Variants in CROCC observed in about 807,000 individuals in gnomAD.
CROCC encodes the protein ciliary rootlet coiled-coil, rootletin.
In CROCC, 180 loss-of-function variants were observed where a neutral mutation model predicts 245.2. The observed-to-expected ratio is 0.73, with a 90% confidence interval of 0.65 to 0.83. The LOEUF (loss-of-function observed/expected upper bound fraction) is 0.83. Among genes scored for constraint, CROCC ranks in the 40% least tolerant of loss-of-function variants. The pLI, the probability that CROCC is intolerant of heterozygous loss-of-function variation, is 0.00. For synonymous variants in CROCC, 1,205 were observed against 1,241.6 expected (o/e 0.97, Z 0.62); for missense variants, 2,688 against 2,779.4 (o/e 0.97, Z 0.74).
intron 26 of CROCC, 59 bp from the exon 27 acceptor site, chr1:16,960,699 G>A: frequency 1.4e-6 from 2 of 1,424,854 alleles, no homozygotes; most frequent in South Asian, 2.9e-5. Context: ...TGGGCCTTAG[G>A]GGTGGGGCGT....
rs1214890319 is a variant in CROCC at position 16,966,109 on chromosome 1, G to C, written c.4686G>C (p.Glu1562Asp). The change falls in exon 29 of 37, where the codon GAG becomes GAC. Residue 1562 changes from glutamate (E) to aspartate (D), a missense_variant. Coordinates refer to ENST00000375541, the MANE Select transcript of CROCC (RefSeq NM_014675.5). The surrounding 1 kb of genome is among the most constrained non-coding windows in gnomAD (Gnocchi z 4.8). Reference sequence around the variant, plus strand: ...GGCAGCTGCAGAAGGCGGTGGCTGAGAGTGAGGAAGGTGAGTCTGATCCTC... The same window carrying C: ...GGCAGCTGCAGAAGGCGGTGGCTGACAGTGAGGAAGGTGAGTCTGATCCTC... ...RARQLQKAVA[E>D]SEEARRSVDG... 1.2e-6 allele frequency: 2 copies of C among 1,611,520 alleles called. No homozygotes were observed.
upstream of CROCC, among the ~76,000 whole-genome samples, chr1:16,921,671 G>A (rs1254325120): frequency 6.6e-6 from 1 of 152,266 alleles, no homozygotes; most frequent in Non-Finnish European, 1.5e-5. Flanking sequence ...CCTGCGCAGG[G>A]TGAAGAGTGT....
In CROCC at chr1:16,938,469, AG is replaced by A. The variant is rs2075841935; in HGVS notation, c.1363del (p.Asp455ThrfsTer16). 4 of 1,577,460 alleles carry A rather than the reference AG, an allele frequency of 2.5e-6. No individual in the cohort carries two copies. Among genetic ancestry groups the A allele is most frequent in the Non-Finnish European group, 3.4e-6 (4 of 1,162,410 alleles). On this transcript the variant is annotated frameshift_variant, in exon 11 of 37. Coordinates refer to ENST00000375541, the MANE Select transcript of CROCC (RefSeq NM_014675.5). LOFTEE classifies it high-confidence loss of function. ...TGGAGAGGGGCTACAGCAGACCCTA[AG>A]GGACCTGGCACAGGTGTGAGCCCAG... The part of the protein sequence containing the change: ...EDGEGLQQTL[R>X]DLAQAVLSDS...
At chr1:16,922,907 G>A (rs2075442043) in intron 2 of CROCC, 109 bp downstream of exon 2, 2 of 1,436,270 alleles carry the variant, frequency 1.4e-6, no homozygotes, top group Non-Finnish European at 1.9e-6. Flanking sequence ...CTCACTGTGG[G>A]GCAGGCACAG....
Position 16,951,064 on chromosome 1 carries a change from C to T in CROCC, c.2948C>T (p.Ser983Phe), listed in dbSNP as rs1231600904. Residue 983 changes from serine to phenylalanine, a missense_variant, in exon 20 of 37, where the codon TCT (serine) becomes TTT (phenylalanine). Physicochemically the swap from Ser to Phe is radical, Grantham distance 155 (BLOSUM62 -2). This residue lies in a region of CROCC where 106 missense variants were observed against 126.1 expected (regional missense o/e 0.84). Transcript: ENST00000375541. ...LVQAEREAQA[S>F]LREQRAAHEE... ...CAGGCTGAGCGGGAGGCCCAGGCCTCTCTGCGGGAGCAGCGGGCAGCTCAC... is the reference window on the plus strand; with the variant it reads ...CAGGCTGAGCGGGAGGCCCAGGCCTTTCTGCGGGAGCAGCGGGCAGCTCAC... 1 of 1,604,324 alleles carries T rather than the reference C, an allele frequency of 6.2e-7. No individual in the cohort carries two copies. Among genetic ancestry groups the T allele is most frequent in the Non-Finnish European group, 8.5e-7 (1 of 1,176,290 alleles).
intron 20 of CROCC, 131 bp from the exon 21 acceptor site, chr1:16,953,171 C>T (rs2076191334): frequency 1.2e-6 from 1 of 824,772 alleles, no homozygotes; most frequent in Non-Finnish European, 1.9e-6. Context: ...TTATCACTCC[C>T]TTGTATTTAC....
rs1458406775 is a variant in CROCC at position 16,951,040 on chromosome 1, A to G, written c.2924A>G (p.Gln975Arg). Residue 975 changes from glutamine (Q) to arginine (R), a missense_variant, in exon 20 of 37, where the codon CAG (glutamine) becomes CGG (arginine). Gln to Arg is a conservative substitution (Grantham distance 43). Around this residue, in one of 9 missense-constraint regions of CROCC, gnomAD observed 106 missense variants for 126.1 expected, o/e 0.84. Coordinates refer to ENST00000375541, the MANE Select transcript of CROCC (RefSeq NM_014675.5). ...GAGCTGATGGCCCAGAAGCTGGTGCAGGCTGAGCGGGAGGCCCAGGCCTCT... is the reference window on the plus strand; with the variant it reads ...GAGCTGATGGCCCAGAAGCTGGTGCGGGCTGAGCGGGAGGCCCAGGCCTCT... The part of the protein sequence containing the change: ...DKELMAQKLV[Q>R]AEREAQASLR... The G allele has an allele frequency of 3.1e-6, 5 of 1,606,876 alleles. No individual in the cohort carries two copies. The East Asian group carries it at 1.1e-4, about 36-fold the overall frequency.
chr1:16,937,324 G>A (rs866561155), intron 9 of CROCC, among the ~76,000 whole-genome samples: 4 of 150,488 alleles, frequency 2.7e-5, no homozygotes, highest in African/African-American at 9.8e-5. Context: ...CTGTATTCCG[G>A]CCTGGATGAC....
chr1:16,966,236 C>T lies in CROCC; in HGVS notation c.4696+117C>T, dbSNP rs368576273. On this transcript the variant is annotated intron_variant, in intron 29 of 36. Coordinates refer to ENST00000375541, the MANE Select transcript of CROCC (RefSeq NM_014675.5). The surrounding 1 kb of genome is among the most constrained non-coding windows in gnomAD (Gnocchi z 4.8). ...CCCCCATGACCTGACTCGGGGCTGT[C>T]TCCAAGAGGACCCTCCTTGGACAGC... is the stretch of plus-strand genomic sequence containing the variant. The T allele has an allele frequency of 4.1e-6, 6 of 1,470,934 alleles. No homozygotes were observed. Among genetic ancestry groups the T allele is most frequent in the East Asian group, 4.8e-5 (2 of 41,572 alleles). 91.1% of individuals were successfully genotyped at this position (1,470,934 alleles called of 1,614,324 possible).
intron 27 of CROCC, among the ~76,000 whole-genome samples, chr1:16,964,097 G>C (rs2076379546): frequency 6.6e-6 from 1 of 150,932 alleles, no homozygotes; most frequent in South Asian, 2.1e-4. Context: ...CACCGTGCCG[G>C]GCCCACTTTT....
chr1:16,972,265 CTG>C (rs2076534029), intron 36 of CROCC, 93 bp from the exon 37 acceptor site: 13 of 944,522 alleles, frequency 1.4e-5, no homozygotes, highest in East Asian at 4.8e-5. Context: ...TTTCCTGAAA[CTG>C]TGGCACTGTG....
Position 16,954,155 on chromosome 1 carries a change from C to G in CROCC, c.3187-68C>G, listed in dbSNP as rs41272735. 77,679 of 1,491,898 alleles carry G rather than the reference C, an allele frequency of 0.052. 2,196 individuals carry two copies. The highest frequency in any genetic ancestry group is 0.13 in the African/African-American group (9,215 of 71,570). 92.4% of individuals were successfully genotyped at this position (1,491,898 alleles called of 1,614,324 possible). On this transcript the variant is annotated intron_variant, in intron 21 of 36. Coordinates refer to ENST00000375541, the MANE Select transcript of CROCC (RefSeq NM_014675.5). The surrounding 1 kb of genome is among the most constrained non-coding windows in gnomAD (Gnocchi z 4.4). ...CCCAGTGGGCACATTTCCTAGGCAG[C>G]AAGAAGCCTGAGCATGCCCCCAGGA...
At chr1:16,934,172 T>C (rs1319447368) in intron 8 of CROCC, among the ~76,000 whole-genome samples, 4 of 152,262 alleles carry the variant, frequency 2.6e-5, no homozygotes, top group South Asian at 2.1e-4. Context: ...AACTGTGAGC[T>C]TCTCATTTAG....
At chr1:16,920,625 A>G (rs2075383760), upstream of CROCC, among the ~76,000 whole-genome samples, 2 of 152,084 alleles carry the variant, frequency 1.3e-5, no homozygotes, top group Admixed American at 6.6e-5. Flanking sequence ...CCTGATACTG[A>G]CTCCAGAGCT....
rs1342180028 is a variant in CROCC, at chr1:16,962,560, A to G, written c.4405+1430A>G. 2.6e-3 allele frequency among the ~76,000 whole-genome samples: 384 copies of G among 147,828 alleles called. 1 individual carries two copies. Among genetic ancestry groups the G allele is most frequent in the African/African-American group, 8.8e-3 (356 of 40,434 alleles). On this transcript the variant is annotated intron_variant, in intron 27 of 36. Coordinates refer to ENST00000375541, the MANE Select transcript of CROCC (RefSeq NM_014675.5). Reference sequence around the variant, plus strand: ...AAAAAAAAAAAAAAAAAAAAAAAAAAACAGGATTTCAGCATGTTGGTCAGG... The same window carrying G: ...AAAAAAAAAAAAAAAAAAAAAAAAAGACAGGATTTCAGCATGTTGGTCAGG...
At chr1:16,925,166 G>T (rs1242250433) in intron 3 of CROCC, among the ~76,000 whole-genome samples, 1 of 152,272 alleles carries the variant, frequency 6.6e-6, no homozygotes, top group Non-Finnish European at 1.5e-5. Context: ...GGAAGTTGGT[G>T]GTGGCTGAAG....
chr1:16,968,987 C>T (rs1557644823), intron 31 of CROCC, 129 bp from the exon 32 acceptor site: 2 of 929,604 alleles, frequency 2.2e-6, no homozygotes, highest in Admixed American at 2.1e-5. Context: ...CACTGGGTCT[C>T]AATGATGGAG....
rs1269873968 is a variant in CROCC, at chr1:16,961,077, G to C, written c.4352G>C (p.Ser1451Thr). 3 of 1,362,032 alleles carry C rather than the reference G, an allele frequency of 2.2e-6. No homozygotes were observed. Among genetic ancestry groups the C allele is most frequent in the Admixed American group, 3.4e-5 (1 of 28,988 alleles). 84.4% of individuals were successfully genotyped at this position (1,362,032 alleles called of 1,614,324 possible). The change falls in exon 27 of 37, where the codon AGC becomes ACC. Residue 1451 changes from serine to threonine, a missense_variant. Physicochemically the swap from Ser to Thr is moderately conservative, Grantham distance 58 (BLOSUM62 1). Around this residue, in one of 9 missense-constraint regions of CROCC, gnomAD observed 1,218 missense variants for 1,286.3 expected, o/e 0.95. Coordinates refer to ENST00000375541, the MANE Select transcript of CROCC (RefSeq NM_014675.5). Reference sequence around the variant, plus strand: ...GGCCTCGGCCTCGGTCGCGCGCCCAGCCCAGCCCCGCGGCCAGTGCCCGGT... The same window carrying C: ...GGCCTCGGCCTCGGTCGCGCGCCCACCCCAGCCCCGCGGCCAGTGCCCGGT... ...RRGLGLGRAP[S>T]PAPRPVPGSP...
Position 16,936,652 on chromosome 1 carries a change from G to T in CROCC, c.972G>T (p.Leu324=), listed in dbSNP as rs1252689970. The change falls in exon 9 of 37, where the codon CTG becomes CTT. Residue 324 remains leucine, a synonymous_variant. Transcript: ENST00000375541. ...TCTCCCGAAGGGACCTGCTGCAGCT[G>T]GGAGGGGAGCTGGCCCGGACATCAC... is the stretch of plus-strand genomic sequence containing the variant. ...KMFTERDLLQ[L]GGELARTSRA... The T allele has an allele frequency of 1.9e-6, 3 of 1,592,120 alleles. No homozygotes were observed. In the South Asian group the frequency reaches 3.4e-5, roughly 18 times the overall value.
Sources: allele counts gnomAD v4.1 joint callset (sites outside exome capture counted in the v4.1 genomes callset), GRCh38; gene constraint gnomAD v4.1.1; regional missense constraint gnomAD v4.1.1; non-coding constraint Gnocchi (gnomAD v3.1); transcripts MANE v1.5; gene names NCBI Gene and HGNC (gene_info 2026-07-23, HGNC 2026-07-21).